CFAP95: variants seen among roughly 807,000 people sequenced by gnomAD.
The protein encoded by CFAP95 is cilia- and flagella-associated protein 95.
chr9:69,844,680 A>T, the CFAP95 span: 1 of 1,322,106 alleles, frequency 7.6e-7, no homozygotes, highest in Non-Finnish European at 1.1e-6. Context: ...ATAGTGAAAC[A>T]TAAAAAGGTA....
At chr9:69,841,192 A>ATATATATATATATATATATATATATATG in the CFAP95 span, among the ~76,000 whole-genome samples, 2 of 124,426 alleles carry the variant, frequency 1.6e-5, no homozygotes, top group African/African-American at 5.7e-5. Flanking sequence ...ATATATATAT[A>ATATATATATATATATATATATATATATG]TATATTTCTG....
chr9:69,895,369 C>CTCTCTCTCTGTGTGTGTG, the CFAP95 span, among the ~76,000 whole-genome samples: 31 of 107,914 alleles, frequency 2.9e-4, no homozygotes, highest in South Asian at 1.6e-3. Context: ...CTCTCTCTCT[C>CTCTCTCTCTGTGTGTGTG]TGTGTGTGTG....
the CFAP95 span, chr9:69,844,440 G>T: frequency 2.4e-6 from 2 of 840,412 alleles, no homozygotes; most frequent in South Asian, 2.4e-5. Context: ...ATTTTCATTG[G>T]ATAATTTTTA....
At chr9:69,869,515 G>T in the CFAP95 span, among the ~76,000 whole-genome samples, 7 of 151,984 alleles carry the variant, frequency 4.6e-5, no homozygotes, top group Admixed American at 3.9e-4. Context: ...ATGAATAAGC[G>T]CTAGAGATCT....
the CFAP95 span, among the ~76,000 whole-genome samples, chr9:69,836,287 G>C: frequency 6.6e-6 from 1 of 152,066 alleles, no homozygotes; most frequent in Non-Finnish European, 1.5e-5. Context: ...CTGTTCTCTA[G>C]GGCTTTCTCA....
the CFAP95 span, among the ~76,000 whole-genome samples, chr9:69,862,433 A>G: frequency 2.6e-5 from 4 of 152,220 alleles, no homozygotes; most frequent in Non-Finnish European, 5.9e-5. Context: ...TCTTTCTTTC[A>G]GTTAATATAC....
the CFAP95 span, among the ~76,000 whole-genome samples, chr9:69,896,953 G>A: frequency 2.6e-5 from 4 of 152,196 alleles, no homozygotes; most frequent in Admixed American, 2.0e-4. Context: ...GTAAATGAAC[G>A]AGGGAATCCA....
At chr9:69,844,381 A>G in the CFAP95 span, 28 of 523,884 alleles carry the variant, frequency 5.3e-5, no homozygotes, top group East Asian at 8.3e-4. Flanking sequence ...AAAATACTTT[A>G]TATGTCACAA....
At chr9:69,841,287 C>A in the CFAP95 span, among the ~76,000 whole-genome samples, 4 of 149,704 alleles carry the variant, frequency 2.7e-5, no homozygotes, top group African/African-American at 4.9e-5. Context: ...GGCCTTGGGG[C>A]AAATATGCTG....
chr9:69,844,585 G>A, the CFAP95 span: 1 of 1,613,484 alleles, frequency 6.2e-7, no homozygotes, highest in South Asian at 1.1e-5. Flanking sequence ...AAAAAACTGT[G>A]TAATTCAACA....
chr9:69,851,604 A>G, the CFAP95 span, among the ~76,000 whole-genome samples: 21 of 152,138 alleles, frequency 1.4e-4, no homozygotes, highest in Admixed American at 1.2e-3. Context: ...AATATTAAAT[A>G]TTTAATTGAG....
chr9:69,896,269 T>G, the CFAP95 span, among the ~76,000 whole-genome samples: 2 of 152,226 alleles, frequency 1.3e-5, no homozygotes, highest in Non-Finnish European at 2.9e-5. Flanking sequence ...CCAATCAATT[T>G]TGTGCATTAG....
chr9:69,836,864 A>G, the CFAP95 span, among the ~76,000 whole-genome samples: 11 of 150,136 alleles, frequency 7.3e-5, no homozygotes, highest in East Asian at 3.9e-4. Flanking sequence ...ATATCTCCCA[A>G]TGCTATCCCT....
At chr9:69,836,082 A>G in the CFAP95 span, among the ~76,000 whole-genome samples, 1 of 152,180 alleles carries the variant, frequency 6.6e-6, no homozygotes, top group Non-Finnish European at 1.5e-5. Flanking sequence ...AGTTTGAAGG[A>G]CTATGAGATT....
the CFAP95 span, among the ~76,000 whole-genome samples, chr9:69,850,997 G>C: frequency 1.3e-5 from 2 of 152,128 alleles, no homozygotes; most frequent in African/African-American, 4.8e-5. Flanking sequence ...ATTTCCAGAC[G>C]TTTGGGATGG....
At chr9:69,841,981 C>T in the CFAP95 span, among the ~76,000 whole-genome samples, 2 of 152,294 alleles carry the variant, frequency 1.3e-5, no homozygotes, top group East Asian at 3.9e-4. Context: ...CATATCAGGA[C>T]TTGTCATTGC....
the CFAP95 span, among the ~76,000 whole-genome samples, chr9:69,883,362 G>A: frequency 6.6e-6 from 1 of 152,128 alleles, no homozygotes; most frequent in Non-Finnish European, 1.5e-5. Context: ...GGTTGGAGGG[G>A]AGGTTATCTT....
chr9:69,902,201 C>G, the CFAP95 span: 3 of 386,796 alleles, frequency 7.8e-6, no homozygotes, highest in African/African-American at 6.4e-5. Flanking sequence ...AATGTTGGCC[C>G]TTTCTGCTTT....
At chr9:69,838,167 A>G in the CFAP95 span, among the ~76,000 whole-genome samples, 1 of 152,180 alleles carries the variant, frequency 6.6e-6, no homozygotes, top group African/African-American at 2.4e-5. Context: ...AGGTAGCGTG[A>G]TGCCTCCAGC....
Sources: allele counts gnomAD v4.1 joint callset (sites outside exome capture counted in the v4.1 genomes callset), GRCh38; gene constraint gnomAD v4.1.1; transcripts MANE v1.5; gene names NCBI Gene and HGNC (gene_info 2026-07-23, HGNC 2026-07-21).